PRICKLE1: variants seen among roughly 807,000 people sequenced by gnomAD.
The protein encoded by PRICKLE1 is prickle-like protein 1.
Under a neutral mutation model 70.2 loss-of-function variants are expected in PRICKLE1, and 14 were observed. That is an observed-to-expected ratio of 0.20 (90% CI 0.13 to 0.31). The LOEUF is 0.31. PRICKLE1 is among the 10% of genes least tolerant of loss of function. The pLI, the probability that PRICKLE1 is intolerant of heterozygous loss-of-function variation, is 1.00. For synonymous variants in PRICKLE1, 357 were observed against 379.9 expected (o/e 0.94, Z 0.70); for missense variants, 821 against 1,026.2 (o/e 0.80, Z 2.73).
chr12:42,565,188 G>C (rs987012270), intron 1 of PRICKLE1, among the ~76,000 whole-genome samples: 4 of 152,166 alleles, frequency 2.6e-5, no homozygotes, highest in African/African-American at 4.8e-5. Context: ...CAGCACATCT[G>C]GGGTAGAGCC....
chr12:42,585,944 G>A (rs1940980478), intron 1 of PRICKLE1, among the ~76,000 whole-genome samples: 3 of 152,108 alleles, frequency 2.0e-5, no homozygotes, highest in South Asian at 2.1e-4. Context: ...GCTGTGGAGC[G>A]CTGGCTCCAT....
At position 42,457,614 on chromosome 12, in the gene PRICKLE1, G is replaced by A. The variant is rs904701930; in HGVS notation, c.*2195C>T. The A allele has an allele frequency of 1.3e-5, 2 of 152,200 alleles. No homozygotes were observed. The highest frequency in any genetic ancestry group is 6.5e-5 in the Admixed American group (1 of 15,284). The allele number at this position is 152,200 out of a possible 1,614,324, so 9.4% of individuals were successfully genotyped here. A position where few individuals can be genotyped will look rare whatever the true frequency, so the allele number is the denominator to read the frequency against. ...AGTAACTACGCTGCTCCCGATTTAT[G>A]TGCACATGTGCCAGTGTAGCATAAT... On this transcript the variant is annotated 3_prime_UTR_variant, in exon 8 of 8. Coordinates refer to ENST00000345127, the MANE Select transcript of PRICKLE1 (RefSeq NM_153026.3).
chr12:42,509,532 G>A (rs1386673467), intron 1 of PRICKLE1, among the ~76,000 whole-genome samples: 3 of 152,094 alleles, frequency 2.0e-5, no homozygotes, highest in African/African-American at 7.2e-5. Flanking sequence ...GGTCTCTGCT[G>A]GGTGGGACGA....
At chr12:42,520,450 A>G (rs909147859) in intron 1 of PRICKLE1, among the ~76,000 whole-genome samples, 25 of 152,294 alleles carry the variant, frequency 1.6e-4, no homozygotes, top group African/African-American at 6.0e-4. Flanking sequence ...ATTCTCCCTT[A>G]ATCTCATTTT....
At chr12:42,540,502 C>T (rs909177804) in intron 1 of PRICKLE1, among the ~76,000 whole-genome samples, 12 of 152,010 alleles carry the variant, frequency 7.9e-5, no homozygotes, top group Non-Finnish European at 1.5e-4. Context: ...TAAATGAATG[C>T]TAATTATTTT....
intron 7 of PRICKLE1, among the ~76,000 whole-genome samples, chr12:42,462,955 A>G (rs1937916360): frequency 6.6e-6 from 1 of 152,234 alleles, no homozygotes; most frequent in South Asian, 2.1e-4. Context: ...ATGCAATCAT[A>G]TCATCCACTC....
At chr12:42,468,505 T>C (rs1174889397) in intron 5 of PRICKLE1, 121 bp downstream of exon 5, 2 of 910,750 alleles carry the variant, frequency 2.2e-6, no homozygotes, top group Non-Finnish European at 3.5e-6. Flanking sequence ...AGGATTATGT[T>C]TAAAACATGC....
At chr12:42,527,041 G>A (rs1288765184) in intron 1 of PRICKLE1, among the ~76,000 whole-genome samples, 2 of 151,200 alleles carry the variant, frequency 1.3e-5, no homozygotes, top group African/African-American at 2.4e-5. Context: ...TATGACTAGA[G>A]CAGTTGATAA....
At chr12:42,513,415 A>G (rs897261586) in intron 1 of PRICKLE1, among the ~76,000 whole-genome samples, 13 of 152,222 alleles carry the variant, frequency 8.5e-5, no homozygotes, top group African/African-American at 2.9e-4. Context: ...AAATGAATAC[A>G]GCTGGGCACT....
intron 1 of PRICKLE1, among the ~76,000 whole-genome samples, chr12:42,513,679 T>C (rs1347498131): frequency 6.6e-6 from 1 of 152,206 alleles, no homozygotes; most frequent in East Asian, 1.9e-4. Flanking sequence ...TTTAAAGTTT[T>C]GGTGTCTCCT....
chr12:42,468,565 T>A lies in PRICKLE1; in HGVS notation c.588+61A>T, dbSNP rs114395641. 2,506 of 1,461,760 alleles carry A rather than the reference T, an allele frequency of 1.7e-3. 19 individuals are homozygous for A. The African/African-American group carries it at 0.031, about 18-fold the overall frequency. The allele number at this position is 1,461,760 out of a possible 1,614,324, so 90.5% of individuals were successfully genotyped here. ...TTAGTATTTTGCTTGATGTAAACAGTGGAATATTGGCTTAATCTAAGCTTA... is the reference window on the plus strand; with the variant it reads ...TTAGTATTTTGCTTGATGTAAACAGAGGAATATTGGCTTAATCTAAGCTTA... On this transcript the variant is annotated intron_variant, in intron 5 of 7. Transcript: ENST00000345127.
intron 1 of PRICKLE1, among the ~76,000 whole-genome samples, chr12:42,529,002 T>C (rs1939861948): frequency 6.6e-6 from 1 of 152,204 alleles, no homozygotes; most frequent in Non-Finnish European, 1.5e-5. Context: ...CCCTTGAAAA[T>C]GGCCCCTGTC....
In PRICKLE1 at chr12:42,459,646, CT is replaced by C; in HGVS notation, c.*162del. The C allele has an allele frequency of 1.2e-6, 1 of 863,868 alleles. No homozygotes were observed. The highest frequency in any genetic ancestry group is 1.9e-6 in the Non-Finnish European group (1 of 539,878). 53.5% of individuals were successfully genotyped at this position (863,868 alleles called of 1,614,324 possible). A position where few individuals can be genotyped will look rare whatever the true frequency, so the allele number is the denominator to read the frequency against. On this transcript the variant is annotated 3_prime_UTR_variant, in exon 8 of 8. Coordinates refer to ENST00000345127, the MANE Select transcript of PRICKLE1 (RefSeq NM_153026.3). ...AGAGGGTAAATTGGAGAAATCACAC[CT>C]TTCAAATGTTAATCTGACACTGTAA...
intron 1 of PRICKLE1, among the ~76,000 whole-genome samples, chr12:42,499,355 A>G (rs1939264297): frequency 6.6e-6 from 1 of 152,202 alleles, no homozygotes; most frequent in African/African-American, 2.4e-5. Context: ...ATAAATAGCA[A>G]AATAATATGC....
intron 1 of PRICKLE1, among the ~76,000 whole-genome samples, chr12:42,528,974 A>T (rs1265273059): frequency 6.6e-6 from 1 of 152,120 alleles, no homozygotes; most frequent in Non-Finnish European, 1.5e-5. Context: ...CTAAGCCACC[A>T]CCGGCTAAGG....
intron 1 of PRICKLE1, among the ~76,000 whole-genome samples, chr12:42,575,690 T>A (rs1940793424): frequency 6.7e-6 from 1 of 150,254 alleles, no homozygotes; most frequent in South Asian, 2.1e-4. Flanking sequence ...CGAAACTCCA[T>A]CTCAAAAAAA....
At chr12:42,552,108 C>A (rs984402117) in intron 1 of PRICKLE1, among the ~76,000 whole-genome samples, 6 of 138,098 alleles carry the variant, frequency 4.3e-5, no homozygotes, top group Non-Finnish European at 9.0e-5. Flanking sequence ...ACTCTGTTGT[C>A]TAGGCTGGAG....
intron 7 of PRICKLE1, among the ~76,000 whole-genome samples, chr12:42,461,305 A>G (rs1435376906): frequency 6.6e-6 from 1 of 152,244 alleles, no homozygotes; most frequent in East Asian, 1.9e-4. Flanking sequence ...CATAAGATGT[A>G]GAAGCTTCTG....
chr12:42,476,193 CT>C (rs530875710), intron 1 of PRICKLE1, among the ~76,000 whole-genome samples: 152 of 138,032 alleles, frequency 1.1e-3, no homozygotes, highest in Non-Finnish European at 8.5e-4. Context: ...TTTCTTTTTT[CT>C]TTTTTTTTTT....
Sources: allele counts gnomAD v4.1 joint callset (sites outside exome capture counted in the v4.1 genomes callset), GRCh38; gene constraint gnomAD v4.1.1; transcripts MANE v1.5; gene names NCBI Gene and HGNC (gene_info 2026-07-23, HGNC 2026-07-21).